Variants in PRICKLE3 observed in about 807,000 individuals in gnomAD.
The protein encoded by PRICKLE3 is prickle planar cell polarity protein 3.
A neutral mutation model predicts 33.8 loss-of-function variants in PRICKLE3; 17 were observed. That is an observed-to-expected ratio of 0.50 (90% CI 0.34 to 0.75). The LOEUF is 0.75. PRICKLE3 is among the 30% of genes least tolerant of loss of function. PRICKLE3 has a pLI of 0.01. For synonymous variants in PRICKLE3, 211 were observed against 219.6 expected, an observed-to-expected ratio of 0.96 and a Z score of 0.34; for missense variants, 573 against 576.7, an observed-to-expected ratio of 0.99 and a Z score of 0.07.
chrX:49,178,366 A>G lies in PRICKLE3; in HGVS notation c.674T>C (p.Leu225Pro), dbSNP rs1309521583. The G allele has an allele frequency of 1.7e-6, 2 of 1,209,630 alleles. No homozygotes were observed. The highest frequency in any genetic ancestry group is 2.2e-6 in the Non-Finnish European group (2 of 894,634). The change falls in exon 6 of 9, where the codon CTG (leucine) becomes CCG (proline). Residue 225 changes from leucine (L) to proline (P), a missense_variant. Leu to Pro is a moderately conservative substitution (Grantham distance 98). Transcript: ENST00000599218. ...ATGGTAGAAGTAGATGAGGTCAACC[A>G]GCAGTTCCTGGCACGTGGTACACAC... is the stretch of plus-strand genomic sequence containing the variant. ...CFVCTTCQEL[L>P]VDLIYFYHVG...
rs201514664 is a variant in PRICKLE3 at position 49,175,792 on chromosome X, G to A, written c.1729C>T (p.Pro577Ser). Residue 577 changes from proline (P) to serine (S), a missense_variant, in exon 9 of 9, where the codon CCC (proline) becomes TCC (serine). Transcript: ENST00000599218. Reference protein sequence around the residue: ...RIPLPPHLCRPMPAQDTAMET... With the variant: ...RIPLPPHLCRSMPAQDTAMET... ...ATTGCAGTGTCCTGAGCAGGCATGGGCCTGCACAAATGCGGGGGCAGAGGG... is the reference window on the plus strand; with the variant it reads ...ATTGCAGTGTCCTGAGCAGGCATGGACCTGCACAAATGCGGGGGCAGAGGG... 92 of 1,210,601 alleles carry A rather than the reference G, an allele frequency of 7.6e-5. No homozygotes were observed. The highest frequency in any genetic ancestry group is 6.9e-4 in the Middle Eastern group (3 of 4,354).
In PRICKLE3 at chrX:49,179,353, C is replaced by A. The variant is rs2065436921; in HGVS notation, c.462G>T (p.Lys154Asn). The A allele has an allele frequency of 8.3e-7, 1 of 1,211,419 alleles. No homozygotes were observed. The highest frequency in any genetic ancestry group is 3.0e-5 in the East Asian group (1 of 33,829). ...GCTGGCTAAAGGCTCGGAGCTCTTT[C>A]TTTTCCTCCTCTTCCAGTGCTGTGC... ...QYCTALEEEE[K>N]KELRAFSQQR... is the part of the protein sequence containing the mutation. Residue 154 changes from lysine (K) to asparagine (N), a missense_variant, in exon 5 of 9, where the codon AAG becomes AAT. By Grantham distance (94) the Lys-to-Asn change is moderately conservative. Transcript: ENST00000599218.
chrX:49,184,976 G>A lies in PRICKLE3; in HGVS notation c.43-266C>T. On this transcript the variant is annotated intron_variant, in intron 1 of 8. Coordinates refer to ENST00000599218, the MANE Select transcript of PRICKLE3 (RefSeq NM_006150.5). ...AGGCTGGCCTCGGACCCCCCTCCCC[G>A]TCCGCCCCTAGCCTCAGACACCTCC... 9 of 939,993 alleles carry A rather than the reference G, an allele frequency of 9.6e-6. No homozygotes were observed. In the South Asian group the frequency reaches 1.5e-4, roughly 16 times the overall value. The allele number at this position is 939,993 out of a possible 1,213,427, so 77.5% of individuals were successfully genotyped here. A position where few individuals can be genotyped will look rare whatever the true frequency, so the allele number is the denominator to read the frequency against.
At chrX:49,176,828 G>T in intron 8 of PRICKLE3, 75 bp downstream of exon 8, 2 of 1,036,585 alleles carry the variant, frequency 1.9e-6, no homozygotes, top group South Asian at 5.0e-5. Flanking sequence ...AAGAAGGAAG[G>T]GCCAGGGCTG....
At chrX:49,180,756 T>TTTCTTGGGAATTACATTCAAC (rs1287848570) in intron 3 of PRICKLE3, among the ~76,000 whole-genome samples, 5 of 111,573 alleles carry the variant, frequency 4.5e-5, no homozygotes, top group African/African-American at 1.6e-4. Flanking sequence ...CTACATTCAA[T>TTTCTTGGGAATTACATTCAAC]TTCTTGGGAA....
chrX:49,181,517 A>C (rs782778283), intron 3 of PRICKLE3, among the ~76,000 whole-genome samples: 1,007 of 92,445 alleles, frequency 0.011, 4 homozygotes, highest in Non-Finnish European at 0.016. Flanking sequence ...ATGTGTATAT[A>C]TACGTATATA....
At chrX:49,177,938 A>G in intron 7 of PRICKLE3, 55 bp downstream of exon 7, 2 of 1,113,644 alleles carry the variant, frequency 1.8e-6, no homozygotes, top group Non-Finnish European at 2.4e-6. Flanking sequence ...GTGGGGTAGG[A>G]CTGTGGCCCA....
At position 49,184,994 on chromosome X, in the gene PRICKLE3, A is replaced by T; in HGVS notation, c.43-284T>A. 3.8e-6 allele frequency: 3 copies of T among 779,728 alleles called. No homozygotes were observed. In the South Asian group the frequency reaches 8.1e-5, roughly 21 times the overall value. 64.3% of individuals were successfully genotyped at this position (779,728 alleles called of 1,213,427 possible). On this transcript the variant is annotated intron_variant, in intron 1 of 8. Transcript: ENST00000599218. ...CCTCCCCGTCCGCCCCTAGCCTCAG[A>T]CACCTCCCACCAGCCTTAGATCCTT...
intron 1 of PRICKLE3, chrX:49,184,965 C>T (rs1321863185): frequency 3.1e-6 from 3 of 981,448 alleles, no homozygotes; most frequent in Non-Finnish European, 4.0e-6. Flanking sequence ...TGGCCTCGGA[C>T]CCCCCTCCCC....
intron 3 of PRICKLE3, among the ~76,000 whole-genome samples, chrX:49,182,717 C>T (rs976203407): frequency 8.0e-5 from 9 of 112,189 alleles, no homozygotes; most frequent in Non-Finnish European, 1.5e-4. Flanking sequence ...TTCTTCACCC[C>T]ACCTTCCTTG....
In PRICKLE3 at chrX:49,175,979, A is replaced by T; in HGVS notation, c.1542T>A (p.His514Gln). The change falls in exon 9 of 9, where the codon CAT (histidine) becomes CAA (glutamine). Residue 514 changes from histidine to glutamine, a missense_variant. By Grantham distance (24) the His-to-Gln change is conservative (BLOSUM62 0). Coordinates refer to ENST00000599218, the MANE Select transcript of PRICKLE3 (RefSeq NM_006150.5). ...TGTGATGGTGATGGTGATTATGATG[A>T]TGGTGGCGGCGACGGCTGGGGGCCC... ...PPRAPSRRRH[H>Q]HHNHHHHHNR... 1 of 1,210,361 alleles carries T rather than the reference A, an allele frequency of 8.3e-7. No individual in the cohort carries two copies. Among genetic ancestry groups the T allele is most frequent in the Non-Finnish European group, 1.1e-6 (1 of 895,179 alleles).
Position 49,176,164 on chromosome X carries a change from A to G in PRICKLE3, c.1357T>C (p.Ser453Pro). 1 of 1,188,544 alleles carries G rather than the reference A, an allele frequency of 8.4e-7. No homozygotes were observed. The highest frequency in any genetic ancestry group is 1.9e-5 in the South Asian group (1 of 53,872). ...GGGCGCAGGTTAGGCTGGCCGGGGG[A>G]CTCTGGGGGCGGCTCGGGGACACTG... is the stretch of plus-strand genomic sequence containing the variant. ...LRSVPEPPPE[S>P]PGQPNLRPDD... Residue 453 changes from serine to proline, a missense_variant, in exon 9 of 9, where the codon TCC (serine) becomes CCC (proline). Physicochemically the swap from Ser to Pro is moderately conservative, Grantham distance 74. Transcript: ENST00000599218.
intron 1 of PRICKLE3, chrX:49,184,975 C>T (rs1307479703): frequency 6.4e-6 from 6 of 943,223 alleles, no homozygotes; most frequent in South Asian, 2.5e-5. Flanking sequence ...CCCCCCTCCC[C>T]GTCCGCCCCT....
At position 49,176,031 on chromosome X, in the gene PRICKLE3, C is replaced by T. The variant is rs781849969; in HGVS notation, c.1490G>A (p.Arg497His). 2 of 1,206,077 alleles carry T rather than the reference C, an allele frequency of 1.7e-6. No homozygotes were observed. Among genetic ancestry groups the T allele is most frequent in the African/African-American group, 1.8e-5 (1 of 56,835 alleles). ...GGGTGGGGGACTGCGTGGCCTGCGG[C>T]GCTGGGCCGGGGGTGCACTCAGGGT... The part of the protein sequence containing the change: ...RRTLSAPPAQ[R>H]RRPRSPPPRA... Residue 497 changes from arginine (R) to histidine (H), a missense_variant, in exon 9 of 9, where the codon CGC (arginine) becomes CAC (histidine). Transcript: ENST00000599218.
rs144390456 is a variant in PRICKLE3 at position 49,175,858 on chromosome X, C to T, written c.1663G>A (p.Glu555Lys). The change falls in exon 9 of 9, where the codon GAA becomes AAA. Residue 555 changes from glutamate (E) to lysine (K), a missense_variant. By Grantham distance (56) the Glu-to-Lys change is moderately conservative (BLOSUM62 1). Coordinates refer to ENST00000599218, the MANE Select transcript of PRICKLE3 (RefSeq NM_006150.5). Reference protein sequence around the residue: ...CSSSPSSSSSESSEDDGFFLG... With the variant: ...CSSSPSSSSSKSSEDDGFFLG... ...AAGAAGCCATCATCCTCTGATGATT[C>T]GGAACTGGAACTGGAGGGCGAGCTG... 9.1e-6 allele frequency: 11 copies of T among 1,210,615 alleles called. No homozygotes were observed. The highest frequency in any genetic ancestry group is 1.1e-5 in the Non-Finnish European group (10 of 895,358).
At chrX:49,176,762 G>A (rs2065419977) in intron 8 of PRICKLE3, 141 bp downstream of exon 8, 1 of 598,739 alleles carries the variant, frequency 1.7e-6, no homozygotes, top group Non-Finnish European at 2.4e-6. Flanking sequence ...GAAGGAGGAT[G>A]AGCTGAGAAA....
In PRICKLE3 at chrX:49,175,699, G is replaced by T. The variant is rs373534219; in HGVS notation, c.1822C>A (p.Arg608=). ...DSRAGMPRQA[R]DKNCIVA is the part of the protein sequence containing the mutation. Reference sequence around the variant, plus strand: ...CAAGCCACGATGCAGTTCTTGTCTCGGGCCTGACGAGGCATCCCTGCGCGA... The same window carrying T: ...CAAGCCACGATGCAGTTCTTGTCTCTGGCCTGACGAGGCATCCCTGCGCGA... The change falls in exon 9 of 9, where the codon CGA becomes AGA. Residue 608 remains arginine (R), a synonymous_variant. Transcript: ENST00000599218. 57 of 1,209,532 alleles carry T rather than the reference G, an allele frequency of 4.7e-5. No homozygotes were observed. The South Asian group carries it at 9.5e-4, about 20-fold the overall frequency.
At chrX:49,182,886 C>T (rs781904104) in intron 3 of PRICKLE3, among the ~76,000 whole-genome samples, 162 of 104,481 alleles carry the variant, frequency 1.6e-3, no homozygotes, top group Non-Finnish European at 2.7e-3. Context: ...TGCAGTGGCA[C>T]GATCTCAGCT....
intron 2 of PRICKLE3, 142 bp downstream of exon 2, chrX:49,184,483 G>A: frequency 7.1e-6 from 4 of 565,472 alleles, no homozygotes; most frequent in Non-Finnish European, 8.0e-6. Context: ...GCGGGGCTCT[G>A]AATCTGAGCC....
Sources: gnomAD v4.1 joint callset for allele counts (sites outside exome capture counted in the v4.1 genomes callset) on GRCh38, gnomAD v4.1.1 for gene constraint, MANE v1.5 for transcripts, NCBI Gene and HGNC (gene_info 2026-07-23, HGNC 2026-07-21) for gene names.